Variants in ARHGAP12 observed in about 807,000 individuals in gnomAD.
ARHGAP12 encodes the protein rho GTPase-activating protein 12.
A neutral mutation model predicts 108.6 loss-of-function variants in ARHGAP12; 64 were observed. The ratio of observed to expected loss-of-function variants is 0.59; its 90% CI spans 0.48 to 0.73. ARHGAP12 has a LOEUF of 0.73. ARHGAP12 is among the 30% of genes least tolerant of loss of function. The probability of loss-of-function intolerance (pLI) is 0.00; values close to 1 mark genes in which losing one functional copy is unlikely to be tolerated. For missense variants in ARHGAP12, 940 were observed against 1,005.9 expected, an observed-to-expected ratio of 0.93 and a Z score of 0.89; for synonymous variants, 312 against 337.2, an observed-to-expected ratio of 0.93 and a Z score of 0.82.
intron 3 of ARHGAP12, among the ~76,000 whole-genome samples, chr10:31,865,739 G>A (rs988368989): frequency 7.9e-5 from 12 of 151,930 alleles, no homozygotes; most frequent in African/African-American, 2.7e-4. Flanking sequence ...TTAGCCCGGC[G>A]TGGTGGCGGG....
At chr10:31,843,760 C>T (rs1405434606) in intron 6 of ARHGAP12, among the ~76,000 whole-genome samples, 174 bp from the exon 7 acceptor site, 1 of 152,130 alleles carries the variant, frequency 6.6e-6, no homozygotes, top group Non-Finnish European at 1.5e-5. Context: ...AACTGTGGCA[C>T]AATTGAGAAG....
At chr10:31,853,955 T>C (rs968032725) in intron 5 of ARHGAP12, 111 bp downstream of exon 5, 8 of 1,131,954 alleles carry the variant, frequency 7.1e-6, no homozygotes, top group Non-Finnish European at 9.9e-6. Flanking sequence ...AAAGTTACAA[T>C]GAAGAATATT....
At chr10:31,908,128 C>A in intron 3 of ARHGAP12, 44 bp downstream of exon 3, 1 of 1,488,670 alleles carries the variant, frequency 6.7e-7, no homozygotes, top group South Asian at 1.4e-5. Context: ...CTAATATTTT[C>A]ACTAGGGTGG....
In ARHGAP12 at chr10:31,839,662, G is replaced by C. The variant is rs201029525; in HGVS notation, c.1346C>G (p.Pro449Arg). 1 of 1,608,126 alleles carries C rather than the reference G, an allele frequency of 6.2e-7. No individual in the cohort carries two copies. Residue 449 changes from proline to arginine, a missense_variant, in exon 8 of 20, where the codon CCC (proline) becomes CGC (arginine). Pro to Arg is a moderately radical substitution (Grantham distance 103). Coordinates refer to ENST00000344936, the MANE Select transcript of ARHGAP12 (RefSeq NM_018287.7). Reference protein sequence around the residue: ...KPCFPENESSPSSPKHQDTAS... With the variant: ...KPCFPENESSRSSPKHQDTAS... Reference sequence around the variant, plus strand: ...TGTATCTTGGTGCTTTGGTGAGGAGGGAGAAGACTCATTTTCAGGAAAGCA... The same window carrying C: ...TGTATCTTGGTGCTTTGGTGAGGAGCGAGAAGACTCATTTTCAGGAAAGCA...
intron 6 of ARHGAP12, among the ~76,000 whole-genome samples, chr10:31,848,632 C>T (rs1469667661): frequency 6.6e-6 from 1 of 152,042 alleles, no homozygotes; most frequent in Non-Finnish European, 1.5e-5. Flanking sequence ...TATGTTTTTT[C>T]ATCTTGAAGA....
chr10:31,885,676 G>C (rs1838161982), intron 3 of ARHGAP12, among the ~76,000 whole-genome samples: 1 of 151,906 alleles, frequency 6.6e-6, no homozygotes, highest in Non-Finnish European at 1.5e-5. Context: ...AAAATCAGCT[G>C]GGCATGGTGG....
intron 7 of ARHGAP12, among the ~76,000 whole-genome samples, chr10:31,843,169 A>G (rs1213449958): frequency 2.6e-5 from 4 of 152,154 alleles, no homozygotes; most frequent in East Asian, 1.9e-4. Context: ...TAAGCTACAG[A>G]TAAGTCAGTC....
intron 10 of ARHGAP12, among the ~76,000 whole-genome samples, chr10:31,830,793 T>C (rs1302439277): frequency 6.6e-6 from 1 of 151,824 alleles, no homozygotes; most frequent in Non-Finnish European, 1.5e-5. Flanking sequence ...AAAAAGGAAA[T>C]ACCAACAATT....
intron 3 of ARHGAP12, among the ~76,000 whole-genome samples, chr10:31,862,691 C>T (rs1055635261): frequency 7.0e-6 from 1 of 143,252 alleles, no homozygotes; most frequent in Non-Finnish European, 1.5e-5. Context: ...ATGACAGTGG[C>T]GCATGCACAC....
chr10:31,809,212 C>G lies in ARHGAP12; in HGVS notation c.2128+18G>C. On this transcript the variant is annotated intron_variant, in intron 17 of 19. Transcript: ENST00000344936. ...TATGAGTGATGCATCTGAATAACAA[C>G]AGTAAATATAATCTTACCATGATTG... 1.2e-6 allele frequency: 2 copies of G among 1,613,622 alleles called. No individual in the cohort carries two copies. The highest frequency in any genetic ancestry group is 1.7e-6 in the Non-Finnish European group (2 of 1,179,676).
chr10:31,920,458 A>AAAAAAAAAAAAAAG, intron 1 of ARHGAP12, among the ~76,000 whole-genome samples: 1 of 150,790 alleles, frequency 6.6e-6, no homozygotes. Flanking sequence ...TCAAAAAAAA[A>AAAAAAAAAAAAAAG]AAAAAAAAAA....
At chr10:31,823,843 T>C (rs1049632820) in intron 11 of ARHGAP12, among the ~76,000 whole-genome samples, 2 of 152,178 alleles carry the variant, frequency 1.3e-5, no homozygotes, top group African/African-American at 4.8e-5. Flanking sequence ...CTGTTGGTTT[T>C]TTGGCTTACA....
intron 1 of ARHGAP12, among the ~76,000 whole-genome samples, chr10:31,921,492 G>A (rs979961863): frequency 5.3e-5 from 8 of 152,008 alleles, no homozygotes; most frequent in Admixed American, 4.6e-4. Context: ...GAGGTCGGGC[G>A]CGGTAGCTCA....
chr10:31,861,939 G>A (rs1466971292), intron 3 of ARHGAP12, among the ~76,000 whole-genome samples: 1 of 152,134 alleles, frequency 6.6e-6, no homozygotes, highest in African/African-American at 2.4e-5. Flanking sequence ...TCAAGATCTG[G>A]CACTAACAAG....
intron 3 of ARHGAP12, among the ~76,000 whole-genome samples, chr10:31,868,752 AC>A (rs1837427351): frequency 6.6e-6 from 1 of 151,952 alleles, no homozygotes; most frequent in African/African-American, 2.4e-5. Context: ...CCTGGGCAAC[AC>A]CGAGACCCTG....
chr10:31,919,552 G>A (rs1269908998), intron 1 of ARHGAP12, among the ~76,000 whole-genome samples: 2 of 152,042 alleles, frequency 1.3e-5, no homozygotes, highest in African/African-American at 4.8e-5. Context: ...CAGCACTTTG[G>A]GAGGCTGAGG....
intron 3 of ARHGAP12, among the ~76,000 whole-genome samples, chr10:31,876,475 A>G (rs566144166): frequency 6.6e-6 from 1 of 151,432 alleles, no homozygotes; most frequent in South Asian, 2.1e-4. Context: ...GCACCACTGC[A>G]CTCCAGGCTG....
chr10:31,859,652 A>G, intron 4 of ARHGAP12, among the ~76,000 whole-genome samples: 1 of 152,326 alleles, frequency 6.6e-6, no homozygotes, highest in Middle Eastern at 3.4e-3. Flanking sequence ...AAACATGTTA[A>G]AAGTTCCTAT....
At chr10:31,837,019 C>T (rs1391222178) in intron 9 of ARHGAP12, among the ~76,000 whole-genome samples, 2 of 152,044 alleles carry the variant, frequency 1.3e-5, no homozygotes, top group African/African-American at 2.4e-5. Flanking sequence ...ACTGTGAGTC[C>T]GGCATGGTCT....
Sources: allele counts gnomAD v4.1 joint callset (sites outside exome capture counted in the v4.1 genomes callset), GRCh38; gene constraint gnomAD v4.1.1; transcripts MANE v1.5; gene names NCBI Gene and HGNC (gene_info 2026-07-23, HGNC 2026-07-21).